Variants in SBF2 observed in about 807,000 individuals in gnomAD.
SBF2 encodes SET binding factor 2, also known as myotubularin-related protein 13.
SBF2 carries 112 observed loss-of-function variants against 225.2 expected under a neutral mutation model. That is an observed-to-expected ratio of 0.50 (90% CI 0.43 to 0.58). SBF2 has a LOEUF of 0.58. SBF2 is among the 20% of genes least tolerant of loss of function. The pLI, the probability that SBF2 is intolerant of heterozygous loss-of-function variation, is 0.00. For missense variants in SBF2, 1,996 were observed against 2,206.2 expected (o/e 0.90, Z 1.91); for synonymous variants, 763 against 773.3 (o/e 0.99, Z 0.22).
chr11:10,073,133 T>A (rs1053873148), intron 2 of SBF2, among the ~76,000 whole-genome samples: 2 of 152,026 alleles, frequency 1.3e-5, no homozygotes, highest in East Asian at 3.9e-4. Flanking sequence ...TATTGCAATA[T>A]GGGATCTACA....
chr11:9,845,527 G>A (rs148447586), intron 24 of SBF2, 38 bp downstream of exon 24: 15 of 1,576,898 alleles, frequency 9.5e-6, no homozygotes, highest in African/African-American at 8.1e-5. Context: ...AATCAATTAC[G>A]GGAGGGCTGA....
intron 1 of SBF2, among the ~76,000 whole-genome samples, chr11:10,290,873 G>A (rs1001977395): frequency 6.6e-6 from 1 of 152,134 alleles, no homozygotes; most frequent in African/African-American, 2.4e-5. Context: ...AGGAGTAACA[G>A]CCCAACAGCA....
rs1022439655 is a variant in SBF2, at chr11:9,845,433, C to T, written c.3110+132G>A. 8.3e-6 allele frequency: 7 copies of T among 848,142 alleles called. No individual in the cohort carries two copies. The African/African-American group carries it at 1.0e-4, about 12-fold the overall frequency. 52.5% of individuals were successfully genotyped at this position (848,142 alleles called of 1,614,324 possible). A position where few individuals can be genotyped will look rare whatever the true frequency, so the allele number is the denominator to read the frequency against. On this transcript the variant is annotated intron_variant, in intron 24 of 39. Transcript: ENST00000256190. ...TGTTCCGTAACTTTATGATCTTGGC[C>T]CCATGGGCTTGACAGAAACAGAACA...
Position 9,858,249 on chromosome 11 carries a change from G to C in SBF2, c.2077C>G (p.His693Asp), listed in dbSNP as rs553075066. Residue 693 changes from histidine to aspartate, a missense_variant, in exon 18 of 40, where the codon CAT becomes GAT. By Grantham distance (81) the His-to-Asp change is moderately conservative. Transcript: ENST00000256190. ...SLYLSAKEDN[H>D]APHLKQKDKL... is the part of the protein sequence containing the mutation. ...ACCTTTTGCTTCAGATGCGGGGCAT[G>C]ATTGTCTTCCTTGGCTGAGAGATAA... is the stretch of plus-strand genomic sequence containing the variant. The C allele has an allele frequency of 3.1e-6, 5 of 1,614,186 alleles. No homozygotes were observed. Among genetic ancestry groups the C allele is most frequent in the East Asian group, 2.2e-5 (1 of 44,888 alleles).
At chr11:9,831,045 G>A (rs1272741173) in intron 27 of SBF2, among the ~76,000 whole-genome samples, 1 of 151,976 alleles carries the variant, frequency 6.6e-6, no homozygotes, top group Non-Finnish European at 1.5e-5. Context: ...TTCACTCAGG[G>A]TGGAGTGCAG....
At position 9,883,175 on chromosome 11, in the gene SBF2, C is replaced by CG. The variant is rs1299929181; in HGVS notation, c.1929+12767_1929+12768insC. On this transcript the variant is annotated intron_variant, in intron 17 of 39. Coordinates refer to ENST00000256190, the MANE Select transcript of SBF2 (RefSeq NM_030962.4). The stretch of plus-strand genomic sequence containing the variant: ...ACACACAAAAAAGCTCCCTATTGAT[C>CG]ACATATCTGGATTTTACAACCTGGC... 4.6e-5 allele frequency among the ~76,000 whole-genome samples: 7 copies of CG among 152,104 alleles called. No individual in the cohort carries two copies. The South Asian group carries it at 6.2e-4, about 14-fold the overall frequency.
chr11:9,856,434 G>T (rs1406463056), intron 19 of SBF2, 24 bp downstream of exon 19: 43 of 1,612,772 alleles, frequency 2.7e-5, no homozygotes, highest in Non-Finnish European at 3.6e-5. Flanking sequence ...TAGGAGGAGG[G>T]TCTGTGTGTT....
At chr11:10,178,612 A>G (rs1956579511) in intron 2 of SBF2, among the ~76,000 whole-genome samples, 3 of 147,418 alleles carry the variant, frequency 2.0e-5, no homozygotes, top group Non-Finnish European at 3.0e-5. Flanking sequence ...ATCACTGGCC[A>G]TCAGAGAAAT....
intron 19 of SBF2, among the ~76,000 whole-genome samples, chr11:9,854,173 G>T (rs924922143): frequency 6.6e-6 from 1 of 152,168 alleles, no homozygotes; most frequent in African/African-American, 2.4e-5. Flanking sequence ...CAAAGTAAGA[G>T]AATTTTTCTC....
chr11:9,851,158 A>C (rs1856922837), intron 21 of SBF2, among the ~76,000 whole-genome samples: 1 of 148,668 alleles, frequency 6.7e-6, no homozygotes, highest in Non-Finnish European at 1.5e-5. Flanking sequence ...AACAACAACA[A>C]AAAAAAACCC....
chr11:10,135,561 T>C (rs1005569014), intron 2 of SBF2, among the ~76,000 whole-genome samples: 1 of 152,340 alleles, frequency 6.6e-6, no homozygotes, highest in East Asian at 1.9e-4. Context: ...TTGCTGCTTA[T>C]AAATTTCTTC....
chr11:9,828,292 AT>A (rs1855182619), intron 28 of SBF2: 1 of 1,263,462 alleles, frequency 7.9e-7, no homozygotes, highest in East Asian at 5.7e-5. Flanking sequence ...ACAAAAAGTT[AT>A]CTTCAGGTGT....
chr11:9,904,975 T>C (rs1029440285), intron 16 of SBF2, among the ~76,000 whole-genome samples: 1 of 152,208 alleles, frequency 6.6e-6, no homozygotes, highest in Non-Finnish European at 1.5e-5. Context: ...TGAGCCATGA[T>C]TGTATCACGT....
chr11:9,860,700 G>A (rs759626054), intron 17 of SBF2, among the ~76,000 whole-genome samples: 1 of 152,066 alleles, frequency 6.6e-6, no homozygotes, highest in Non-Finnish European at 1.5e-5. Flanking sequence ...TTTACCATGA[G>A]TATACTCAGG....
chr11:9,938,956 T>C (rs1416465938), intron 16 of SBF2, among the ~76,000 whole-genome samples: 1 of 151,880 alleles, frequency 6.6e-6, no homozygotes, highest in African/African-American at 2.4e-5. Context: ...AAGGGCAATA[T>C]CTAAACTAAA....
At position 10,209,428 on chromosome 11, in the gene SBF2, C is replaced by T. The variant is rs547593473; in HGVS notation, c.56-15441G>A. Reference sequence around the variant, plus strand: ...TTTTCTGCTCAACTCTTCTCTCAAACGCAAACTTCCTATCCTGCAAAAAGC... The same window carrying T: ...TTTTCTGCTCAACTCTTCTCTCAAATGCAAACTTCCTATCCTGCAAAAAGC... On this transcript the variant is annotated intron_variant, in intron 1 of 39. Transcript: ENST00000256190. 5.9e-5 allele frequency among the ~76,000 whole-genome samples: 9 copies of T among 152,054 alleles called. No homozygotes were observed. The South Asian group carries it at 1.0e-3, about 18-fold the overall frequency.
chr11:9,917,247 T>G (rs1468414760), intron 16 of SBF2, among the ~76,000 whole-genome samples: 3 of 151,832 alleles, frequency 2.0e-5, no homozygotes, highest in Admixed American at 6.6e-5. Flanking sequence ...AATTTATCTT[T>G]TATAAAGTCA....
chr11:9,881,826 T>A (rs188676749), intron 17 of SBF2, among the ~76,000 whole-genome samples: 7 of 151,202 alleles, frequency 4.6e-5, no homozygotes, highest in South Asian at 2.1e-4. Context: ...CTAAAAAAAA[T>A]AAGAAGAAGA....
At chr11:9,787,930 G>A (rs567820842) in intron 35 of SBF2, 192 bp from the exon 36 acceptor site, 21 of 624,266 alleles carry the variant, frequency 3.4e-5, no homozygotes, top group South Asian at 3.2e-4. Flanking sequence ...GTGCCGTACT[G>A]TGGCAAAGAT....
Sources: allele counts gnomAD v4.1 joint callset (sites outside exome capture counted in the v4.1 genomes callset), GRCh38; gene constraint gnomAD v4.1.1; transcripts MANE v1.5; gene names NCBI Gene and HGNC (gene_info 2026-07-23, HGNC 2026-07-21).